Variants in ZNF787 observed in about 807,000 individuals in gnomAD.
The protein encoded by ZNF787 is TTF-I-interacting peptide 20.
ZNF787 carries 7 observed loss-of-function variants against 16.9 expected under a neutral mutation model. The ratio of observed to expected loss-of-function variants is 0.42; its 90% confidence interval spans 0.24 to 0.78. ZNF787 has a LOEUF of 0.78. Ranked by LOEUF, ZNF787 falls within the 30% of genes least tolerant of loss-of-function variation. The pLI is 0.30. For missense variants in ZNF787, 551 were observed against 589.3 expected (o/e 0.94, Z 0.67); for synonymous variants, 345 against 270.9 (o/e 1.27, Z -2.69).
Position 56,088,080 on chromosome 19 carries a change from G to GTCC in ZNF787, c.1091_1092insGGA (p.Asp363_Asp364insGlu). On this transcript the variant is annotated inframe_insertion, in exon 3 of 3. Coordinates refer to ENST00000610935, the MANE Select transcript of ZNF787 (RefSeq NM_001002836.4). The surrounding 1 kb of genome is among the most constrained non-coding windows in gnomAD (Gnocchi z 8.6). The stretch of plus-strand genomic sequence containing the variant: ...ACCGCCCGCCCGCGGCCTCGTCGTC[G>GTCC]TCGTCCTCCTCCTCCCCGCCCGCGC... 1 of 1,485,758 alleles carries GTCC rather than the reference G, an allele frequency of 6.7e-7. No homozygotes were observed. Among genetic ancestry groups the GTCC allele is most frequent in the Admixed American group, 2.3e-5 (1 of 43,742 alleles). 92.0% of individuals were successfully genotyped at this position (1,485,758 alleles called of 1,614,324 possible).
At chr19:56,113,912 C>G (rs932813817) in intron 1 of ZNF787, among the ~76,000 whole-genome samples, 1 of 152,210 alleles carries the variant, frequency 6.6e-6, no homozygotes, top group Non-Finnish European at 1.5e-5. Context: ...TCACTGCAAC[C>G]TTCGCCTCCC....
chr19:56,107,452 G>A (rs2123418423), intron 1 of ZNF787, among the ~76,000 whole-genome samples: 1 of 151,952 alleles, frequency 6.6e-6, no homozygotes, highest in South Asian at 2.1e-4. Context: ...AAGGGTCACT[G>A]GGAGAAACGA....
chr19:56,101,277 G>A, intron 2 of ZNF787, among the ~76,000 whole-genome samples: 1 of 152,252 alleles, frequency 6.6e-6, no homozygotes, highest in Admixed American at 6.5e-5. Flanking sequence ...GGACACCAGA[G>A]CAGCTTGGGA....
In ZNF787 at chr19:56,111,692, C is replaced by T. The variant is rs892474832; in HGVS notation, c.-10-8465G>A. On this transcript the variant is annotated intron_variant, in intron 1 of 2. Transcript: ENST00000610935. ...GTGGCGACCTGGGACAGGGCCCACA[C>T]TGCTCTGCATCCCAACTTCCTCTCC... 6.6e-5 allele frequency among the ~76,000 whole-genome samples: 10 copies of T among 152,224 alleles called. 1 individual carries two copies. The highest frequency in any genetic ancestry group is 1.9e-4 in the African/African-American group (8 of 41,524).
Position 56,088,590 on chromosome 19 carries a change from C to T in ZNF787, c.582G>A (p.Ala194=). ...GRGFSQPKSL[A]RHLRLHPELS... ...GCTCCGGGTGCAGCCGCAGGTGACG[C>T]GCGAGGCTCTTGGGCTGGCTGAAGC... Residue 194 remains alanine (A), a synonymous_variant, in exon 3 of 3, where the codon GCG becomes GCA. Coordinates refer to ENST00000610935, the MANE Select transcript of ZNF787 (RefSeq NM_001002836.4). The surrounding 1 kb of genome is among the most constrained non-coding windows in gnomAD (Gnocchi z 8.6). 1 of 1,514,356 alleles carries T rather than the reference C, an allele frequency of 6.6e-7. No homozygotes were observed. The highest frequency in any genetic ancestry group is 8.8e-7 in the Non-Finnish European group (1 of 1,138,418). 93.8% of individuals were successfully genotyped at this position (1,514,356 alleles called of 1,614,324 possible).
Position 56,088,546 on chromosome 19 carries a change from G to A in ZNF787, c.626C>T (p.Ala209Val), listed in dbSNP as rs1202901701. The A allele has an allele frequency of 6.2e-6, 9 of 1,460,826 alleles. No individual in the cohort carries two copies. Among genetic ancestry groups the A allele is most frequent in the South Asian group, 1.3e-5 (1 of 75,720 alleles). 90.5% of individuals were successfully genotyped at this position (1,460,826 alleles called of 1,614,324 possible). The change falls in exon 3 of 3, where the codon GCG becomes GTG. Residue 209 changes from alanine to valine, a missense_variant. By Grantham distance (64) the Ala-to-Val change is moderately conservative. This residue lies in a region of ZNF787 where 392 missense variants were observed against 312.7 expected (regional missense o/e 1.25). Transcript: ENST00000610935. The surrounding 1 kb of genome is among the most constrained non-coding windows in gnomAD (Gnocchi z 8.6). ...GACGCTAGCCGCCAGCACCTTGGCC[G>A]CCACGCCAGGCCCCGACAGCTCCGG... Reference protein sequence around the residue: ...LHPELSGPGVAAKVLAASVRR... With the variant: ...LHPELSGPGVVAKVLAASVRR...
chr19:56,096,259 A>T (rs1272947042), intron 2 of ZNF787, among the ~76,000 whole-genome samples: 3 of 104,364 alleles, frequency 2.9e-5, no homozygotes, highest in African/African-American at 1.2e-4. Context: ...AAAATAAAAA[A>T]AATAAAAAAA....
rs1985466896 is a variant in ZNF787 at position 56,089,009 on chromosome 19, C to A, written c.163G>T (p.Gly55Cys). The stretch of plus-strand genomic sequence containing the variant: ...GGCGGCCGCGGCCGGGGAGGCGGGC[C>A]GGCTGGGGGCGCAGACTGGGGCGGG... ...LSPPQSAPPA[G>C]PPPRPRPPAP... The change falls in exon 3 of 3, where the codon GGC becomes TGC. Residue 55 changes from glycine to cysteine, a missense_variant. Transcript: ENST00000610935. The A allele has an allele frequency of 2.0e-6, 3 of 1,474,318 alleles. No individual in the cohort carries two copies. Among genetic ancestry groups the A allele is most frequent in the Non-Finnish European group, 2.7e-6 (3 of 1,114,340 alleles). The allele number at this position is 1,474,318 out of a possible 1,614,324, so 91.3% of individuals were successfully genotyped here. A position where few individuals can be genotyped will look rare whatever the true frequency, so the allele number is the denominator to read the frequency against.
intron 1 of ZNF787, chr19:56,105,363 A>T (rs1986262032): frequency 6.6e-6 from 1 of 152,096 alleles, no homozygotes; most frequent in South Asian, 2.1e-4. Context: ...CACGGGGAGG[A>T]CACAGGGCTG....
intron 1 of ZNF787, among the ~76,000 whole-genome samples, chr19:56,114,960 C>T (rs1307767115): frequency 2.0e-5 from 3 of 152,162 alleles, no homozygotes; most frequent in Admixed American, 6.5e-5. Flanking sequence ...GTGGCCACTT[C>T]GCTCCCTCAC....
Position 56,088,328 on chromosome 19 carries a change from A to T in ZNF787, c.844T>A (p.Cys282Ser). ...CCGAAGCCCTTCCCGCACTCCAGAC[A>T]CACGTACGGCTTGGGGGCCGGGGCG... Reference protein sequence around the residue: ...RRAPAPKPYVCLECGKGFGHG... With the variant: ...RRAPAPKPYVSLECGKGFGHG... The change falls in exon 3 of 3, where the codon TGT becomes AGT. Residue 282 changes from cysteine (C) to serine (S), a missense_variant. This residue lies in a region of ZNF787 where 392 missense variants were observed against 312.7 expected (regional missense o/e 1.25). Coordinates refer to ENST00000610935, the MANE Select transcript of ZNF787 (RefSeq NM_001002836.4). The surrounding 1 kb of genome is among the most constrained non-coding windows in gnomAD (Gnocchi z 8.6). 1 of 1,251,682 alleles carries T rather than the reference A, an allele frequency of 8.0e-7. No homozygotes were observed. Among genetic ancestry groups the T allele is most frequent in the Non-Finnish European group, 1.0e-6 (1 of 994,310 alleles). The allele number at this position is 1,251,682 out of a possible 1,614,324, so 77.5% of individuals were successfully genotyped here. A position where few individuals can be genotyped will look rare whatever the true frequency, so the allele number is the denominator to read the frequency against.
chr19:56,093,838 C>T (rs1985757340), intron 2 of ZNF787, among the ~76,000 whole-genome samples: 3 of 152,210 alleles, frequency 2.0e-5, no homozygotes, highest in Admixed American at 6.5e-5. Context: ...GCAATTCTAA[C>T]GCAACCATCT....
In ZNF787 at chr19:56,094,876, C is replaced by A. The variant is rs552574669; in HGVS notation, c.80-5784G>T. Among the ~76,000 whole-genome samples, 81 of 152,108 alleles carry A rather than the reference C, an allele frequency of 5.3e-4. No homozygotes were observed. In the South Asian group the frequency reaches 0.011, roughly 20 times the overall value. On this transcript the variant is annotated intron_variant, in intron 2 of 2. Transcript: ENST00000610935. ...CTGTAATCCCAGCACTTTGGGAGGC[C>A]GAGGCAGGCGGATGACCTGAGGTCA...
intron 2 of ZNF787, among the ~76,000 whole-genome samples, chr19:56,099,725 A>AAAAAG (rs57027299): frequency 1.3e-5 from 2 of 149,444 alleles, no homozygotes; most frequent in African/African-American, 5.0e-5. Flanking sequence ...AAAAAAAAAA[A>AAAAAG]GAAAAGAGAG....
At chr19:56,105,036 G>C (rs1363592557) in intron 1 of ZNF787, among the ~76,000 whole-genome samples, 1 of 152,064 alleles carries the variant, frequency 6.6e-6, no homozygotes, top group Non-Finnish European at 1.5e-5. Context: ...GCTAAGGCAG[G>C]AGAATTGCTG....
At position 56,088,910 on chromosome 19, in the gene ZNF787, G is replaced by C. The variant is rs1314785657; in HGVS notation, c.262C>G (p.His88Asp). Residue 88 changes from histidine to aspartate, a missense_variant, in exon 3 of 3, where the codon CAC (histidine) becomes GAC (aspartate). Physicochemically the swap from His to Asp is moderately conservative, Grantham distance 81. Coordinates refer to ENST00000610935, the MANE Select transcript of ZNF787 (RefSeq NM_001002836.4). The surrounding 1 kb of genome is among the most constrained non-coding windows in gnomAD (Gnocchi z 8.6). ...WSKLTRHQRT[H>D]TGERPNACAD... ...CAGGCGTTGGGCCGCTCGCCGGTGT[G>C]CGTGCGCTGGTGCCGCGTCAGCTTG... 1 of 1,597,558 alleles carries C rather than the reference G, an allele frequency of 6.3e-7. No homozygotes were observed. Among genetic ancestry groups the C allele is most frequent in the Non-Finnish European group, 8.5e-7 (1 of 1,171,646 alleles).
At chr19:56,091,873 G>A (rs1337692788) in intron 2 of ZNF787, among the ~76,000 whole-genome samples, 1 of 152,128 alleles carries the variant, frequency 6.6e-6, no homozygotes, top group African/African-American at 2.4e-5. Flanking sequence ...CACCGCGCAT[G>A]GGCCAAGATG....
chr19:56,100,724 T>C (rs182028129), intron 2 of ZNF787, among the ~76,000 whole-genome samples: 250 of 53,610 alleles, frequency 4.7e-3, no homozygotes, highest in African/African-American at 5.1e-3. Context: ...ATGGCCAGGC[T>C]AACCCCCGCC....
At chr19:56,093,534 A>G (rs928548498) in intron 2 of ZNF787, among the ~76,000 whole-genome samples, 13 of 152,022 alleles carry the variant, frequency 8.6e-5, no homozygotes, top group African/African-American at 3.1e-4. Context: ...CGACTGAGAC[A>G]TGTTCGGGCT....
Sources: allele counts gnomAD v4.1 joint callset (sites outside exome capture counted in the v4.1 genomes callset), GRCh38; gene constraint gnomAD v4.1.1; regional missense constraint gnomAD v4.1.1; non-coding constraint Gnocchi (gnomAD v3.1); transcripts MANE v1.5; gene names NCBI Gene and HGNC (gene_info 2026-07-23, HGNC 2026-07-21).